The following PDHA1 variants were observed in gnomAD, a reference collection of about 807,000 sequenced individuals.
PDHA1 encodes pyruvate dehydrogenase E1 component subunit alpha, somatic form, mitochondrial.
Under a neutral mutation model 33.0 loss-of-function variants are expected in PDHA1, and 1 was observed. The ratio of observed to expected loss-of-function variants is 0.03; its 90% CI spans 0.01 to 0.14. The LOEUF is 0.14. Among genes scored for constraint, PDHA1 ranks in the 10% least tolerant of loss-of-function variants. PDHA1 has a pLI of 1.00. For synonymous variants in PDHA1, 123 were observed against 119.2 expected, an observed-to-expected ratio of 1.03 and a Z score of -0.21; for missense variants, 168 against 325.1, an observed-to-expected ratio of 0.52 and a Z score of 3.72.
chrX:19,351,795 G>GTTTTTTTTT (rs780357581), intron 4 of PDHA1, among the ~76,000 whole-genome samples: 5 of 74,385 alleles, frequency 6.7e-5, no homozygotes, highest in African/African-American at 2.0e-4. Flanking sequence ...TGTTTTGGTG[G>GTTTTTTTTT]TTTTTTTTTT....
At chrX:19,359,455 T>C in intron 10 of PDHA1, 34 bp from the exon 11 acceptor site, 1 of 1,171,616 alleles carries the variant, frequency 8.5e-7, no homozygotes, top group South Asian at 1.8e-5. Context: ...TGCTGTTCAT[T>C]CTAAAACCTT....
intron 1 of PDHA1, chrX:19,345,748 C>T: frequency 4.5e-6 from 1 of 222,866 alleles, no homozygotes; most frequent in Non-Finnish European, 8.2e-6. Flanking sequence ...TGCAGGGTCC[C>T]CCCCCCCCCG....
chrX:19,357,536 C>T (rs764815796), intron 8 of PDHA1, 116 bp from the exon 9 acceptor site: 143 of 594,517 alleles, frequency 2.4e-4, no homozygotes, highest in Non-Finnish European at 4.1e-4. Flanking sequence ...CTCAGAAGAT[C>T]TGATAAGACT....
Position 19,361,294 on chromosome X carries a change from A to G in PDHA1, c.*1641A>G, listed in dbSNP as rs2063283537. 2.8e-6 allele frequency: 3 copies of G among 1,056,657 alleles called. No individual in the cohort carries two copies. Among genetic ancestry groups the G allele is most frequent in the East Asian group, 3.0e-5 (1 of 33,064 alleles). The allele number at this position is 1,056,657 out of a possible 1,213,427, so 87.1% of individuals were successfully genotyped here. ...TTCTGCTCTTGAAGCATATTCACACATAAAAAGTTGTATTCTCTTATACAA... is the reference window on the plus strand; with the variant it reads ...TTCTGCTCTTGAAGCATATTCACACGTAAAAAGTTGTATTCTCTTATACAA... On this transcript the variant is annotated 3_prime_UTR_variant, in exon 11 of 11. Coordinates refer to ENST00000422285, the MANE Select transcript of PDHA1 (RefSeq NM_000284.4).
At chrX:19,359,167 G>A (rs187046074) in intron 10 of PDHA1, 143 bp downstream of exon 10, 48 of 478,060 alleles carry the variant, frequency 1.0e-4, no homozygotes, top group South Asian at 4.2e-4. Context: ...AAAGTCCCTT[G>A]GGGTGGGGGC....
chrX:19,359,128 T>G, intron 10 of PDHA1, 104 bp downstream of exon 10: 1 of 538,719 alleles, frequency 1.9e-6, no homozygotes, highest in Non-Finnish European at 3.4e-6. Flanking sequence ...GAAAGTGATG[T>G]CCTGGGACAT....
At position 19,349,391 on chromosome X, in the gene PDHA1, G is replaced by T. The variant is rs755035696; in HGVS notation, c.117+20G>T. The T allele has an allele frequency of 2.9e-6, 3 of 1,021,943 alleles. No individual in the cohort carries two copies. 84.2% of individuals were successfully genotyped at this position (1,021,943 alleles called of 1,213,427 possible). A position where few individuals can be genotyped will look rare whatever the true frequency, so the allele number is the denominator to read the frequency against. ...ATTAAGGTAAGAGGTGTTTTACTTT[G>T]TTAATAATTTTTTCACAGGTACACT... On this transcript the variant is annotated intron_variant, in intron 2 of 10. Coordinates refer to ENST00000422285, the MANE Select transcript of PDHA1 (RefSeq NM_000284.4).
rs1289721589 is a variant in PDHA1, at chrX:19,361,296, A to C, written c.*1643A>C. On this transcript the variant is annotated 3_prime_UTR_variant, in exon 11 of 11. Coordinates refer to ENST00000422285, the MANE Select transcript of PDHA1 (RefSeq NM_000284.4). ...CTGCTCTTGAAGCATATTCACACATAAAAAGTTGTATTCTCTTATACAAAC... is the reference window on the plus strand; with the variant it reads ...CTGCTCTTGAAGCATATTCACACATCAAAAGTTGTATTCTCTTATACAAAC... 2.3e-5 allele frequency: 25 copies of C among 1,065,270 alleles called. No individual in the cohort carries two copies. The highest frequency in any genetic ancestry group is 3.1e-5 in the Non-Finnish European group (24 of 774,449). The allele number at this position is 1,065,270 out of a possible 1,213,427, so 87.8% of individuals were successfully genotyped here.
chrX:19,357,942 TAAAG>T (rs760098842), intron 9 of PDHA1, among the ~76,000 whole-genome samples: 5 of 112,272 alleles, frequency 4.5e-5, no homozygotes, highest in Admixed American at 1.9e-4. Flanking sequence ...CAGCAATTTT[TAAAG>T]AAAGAGTGTT....
rs963577934 is a variant in PDHA1 at position 19,360,764 on chromosome X, G to A, written c.*1111G>A. The A allele has an allele frequency of 6.6e-6, 8 of 1,207,597 alleles. No individual in the cohort carries two copies. Among genetic ancestry groups the A allele is most frequent in the Non-Finnish European group, 9.0e-6 (8 of 892,777 alleles). ...CTGATTGGTATCAAGCCTTGTCTTT[G>A]GTTTCTGAGGCCTCCTGAGCCCTTC... On this transcript the variant is annotated 3_prime_UTR_variant, in exon 11 of 11. Transcript: ENST00000422285.
Position 19,358,985 on chromosome X carries a change from G to T in PDHA1, c.969G>T (p.Arg323Ser). The T allele has an allele frequency of 2.5e-6, 3 of 1,189,475 alleles. No individual in the cohort carries two copies. The highest frequency in any genetic ancestry group is 3.4e-6 in the Non-Finnish European group (3 of 875,177). Reference sequence around the variant, plus strand: ...ACCCTATTATGCTTCTCAAGGACAGGATGGTGAACAGCAATCTTGCCAGTG... The same window carrying T: ...ACCCTATTATGCTTCTCAAGGACAGTATGGTGAACAGCAATCTTGCCAGTG... Reference protein sequence around the residue: ...KSDPIMLLKDRMVNSNLASVE... With the variant: ...KSDPIMLLKDSMVNSNLASVE... Residue 323 changes from arginine to serine, a missense_variant, in exon 10 of 11, where the codon AGG becomes AGT. Arg to Ser is a moderately radical substitution (Grantham distance 110). Around this residue, in one of 5 missense-constraint regions of PDHA1, gnomAD observed 58 missense variants for 63.4 expected, o/e 0.92. Coordinates refer to ENST00000422285, the MANE Select transcript of PDHA1 (RefSeq NM_000284.4).
chrX:19,344,847 C>G (rs754492248), intron 1 of PDHA1, among the ~76,000 whole-genome samples: 29 of 112,021 alleles, frequency 2.6e-4, no homozygotes, highest in Middle Eastern at 9.2e-3. Flanking sequence ...CACCTGTGCT[C>G]AGTTCTGAGG....
intron 8 of PDHA1, chrX:19,357,296 A>G (rs148552862): frequency 1.2e-5 from 3 of 243,700 alleles, no homozygotes; most frequent in Non-Finnish European, 2.2e-5. Context: ...GGGTTTTGCC[A>G]TGTTGTCCAG....
intron 3 of PDHA1, 82 bp from the exon 4 acceptor site, chrX:19,351,199 A>G: frequency 1.0e-6 from 1 of 972,047 alleles, no homozygotes; most frequent in Non-Finnish European, 1.5e-6. Context: ...ACTAGCCCAC[A>G]TATTTCACTG....
chrX:19,353,459 G>C lies in PDHA1; in HGVS notation c.510+286G>C, dbSNP rs2147178581. On this transcript the variant is annotated intron_variant, in intron 5 of 10. Coordinates refer to ENST00000422285, the MANE Select transcript of PDHA1 (RefSeq NM_000284.4). The stretch of plus-strand genomic sequence containing the variant: ...TTCAGTAGAGTCACATGCTGTGCAG[G>C]GTTGTAGCCTAGGAGCAGTAGGCTC... 2.3e-5 allele frequency: 9 copies of C among 383,383 alleles called. 1 individual carries two copies. In the South Asian group the frequency reaches 2.7e-4, roughly 12 times the overall value. 31.6% of individuals were successfully genotyped at this position (383,383 alleles called of 1,213,427 possible).
chrX:19,355,531 G>GC (rs774400918), intron 7 of PDHA1, 27 bp downstream of exon 7: 6 of 1,060,369 alleles, frequency 5.7e-6, no homozygotes, highest in Non-Finnish European at 7.3e-6. Context: ...TGGGGCCGGG[G>GC]CCAAGGCCAA....
chrX:19,357,614 G>T, intron 8 of PDHA1, 38 bp from the exon 9 acceptor site: 1 of 1,133,201 alleles, frequency 8.8e-7, no homozygotes, highest in Non-Finnish European at 1.2e-6. Flanking sequence ...TCCAGTCATC[G>T]TTCCTAACTA....
At chrX:19,349,101 C>T (rs1462409143) in intron 1 of PDHA1, among the ~76,000 whole-genome samples, 5 of 111,654 alleles carry the variant, frequency 4.5e-5, no homozygotes, top group African/African-American at 9.8e-5. Flanking sequence ...CCTTCAGATG[C>T]GGGATAATCC....
intron 8 of PDHA1, chrX:19,357,363 T>C: frequency 3.0e-6 from 1 of 337,279 alleles, no homozygotes; most frequent in South Asian, 3.6e-5. Context: ...CCCAAAGTGC[T>C]GGGATTACAG....
Sources: gnomAD v4.1 joint callset for allele counts (sites outside exome capture counted in the v4.1 genomes callset) on GRCh38, gnomAD v4.1.1 for gene constraint, gnomAD v4.1.1 regional missense constraint, MANE v1.5 for transcripts, NCBI Gene and HGNC (gene_info 2026-07-23, HGNC 2026-07-21) for gene names.